The following PSMD12 variants were observed in gnomAD, a reference collection of about 807,000 sequenced individuals.
PSMD12 encodes the protein 26S proteasome non-ATPase regulatory subunit 12.
In PSMD12, 8 loss-of-function variants were observed where a neutral mutation model predicts 62.9. The observed-to-expected ratio is 0.13, with a 90% CI of 0.07 to 0.23. The LOEUF is 0.23. PSMD12 is among the 10% of genes least tolerant of loss of function. The pLI is 1.00. For missense variants in PSMD12, 424 were observed against 550.2 expected (o/e 0.77, Z 2.29); for synonymous variants, 173 against 187.4 (o/e 0.92, Z 0.63).
At chr17:67,348,757 G>T in intron 4 of PSMD12, 103 bp from the exon 5 acceptor site, 1 of 935,642 alleles carries the variant, frequency 1.1e-6, no homozygotes, top group Non-Finnish European at 1.6e-6. Flanking sequence ...TGACATTTTG[G>T]AAGGCTGAGG....
chr17:67,359,359 T>C (rs1054835040), intron 1 of PSMD12, among the ~76,000 whole-genome samples: 10 of 152,146 alleles, frequency 6.6e-5, no homozygotes, highest in African/African-American at 1.2e-4. Flanking sequence ...GGTCTCTAGA[T>C]AAAAAATTTT....
chr17:67,345,338 C>T (rs1360318845), intron 8 of PSMD12, among the ~76,000 whole-genome samples: 2 of 152,076 alleles, frequency 1.3e-5, no homozygotes, highest in East Asian at 1.9e-4. Context: ...CTATCAGTAA[C>T]CAATTAAGAA....
intron 1 of PSMD12, among the ~76,000 whole-genome samples, chr17:67,362,183 T>G (rs1174729871): frequency 3.3e-5 from 5 of 152,114 alleles, no homozygotes; most frequent in Non-Finnish European, 7.4e-5. Flanking sequence ...AAAGAGAGAA[T>G]GAGAAACCCT....
chr17:67,347,419 A>G lies in PSMD12; in HGVS notation c.577T>C (p.Cys193Arg). ...CGAATGTAATCCTTCACAGCTAGGC[A>G]GAGCCTCATTTGCTCCAAAATAAAT... ...VEFILEQMRL[C>R]LAVKDYIRTQ... The change falls in exon 6 of 11, where the codon TGC (cysteine) becomes CGC (arginine). Residue 193 changes from cysteine (C) to arginine (R), a missense_variant. Physicochemically the swap from Cys to Arg is radical, Grantham distance 180. Transcript: ENST00000356126. The G allele has an allele frequency of 6.2e-7, 1 of 1,613,968 alleles. No individual in the cohort carries two copies. Among genetic ancestry groups the G allele is most frequent in the Non-Finnish European group, 8.5e-7 (1 of 1,179,924 alleles).
chr17:67,356,430 C>A (rs182580976), intron 3 of PSMD12, among the ~76,000 whole-genome samples: 1 of 149,092 alleles, frequency 6.7e-6, no homozygotes, highest in Non-Finnish European at 1.5e-5. Flanking sequence ...TGGTAGCGGG[C>A]GCCTGTAGTC....
intron 1 of PSMD12, among the ~76,000 whole-genome samples, chr17:67,363,681 TACATTCC>T (rs1271173636): frequency 3.3e-5 from 5 of 152,334 alleles, no homozygotes; most frequent in Admixed American, 3.3e-4. Context: ...AACTGTTCCA[TACATTCC>T]AATGTAGAAA....
At chr17:67,346,427 T>C (rs1321844197) in intron 7 of PSMD12, among the ~76,000 whole-genome samples, 1 of 143,624 alleles carries the variant, frequency 7.0e-6, no homozygotes, top group East Asian at 2.0e-4. Flanking sequence ...TAGCTGGGCA[T>C]GGTGGCACAT....
chr17:67,363,708 A>G (rs144783575), intron 1 of PSMD12, among the ~76,000 whole-genome samples: 148 of 152,318 alleles, frequency 9.7e-4, no homozygotes, highest in African/African-American at 3.4e-3. Flanking sequence ...ATGCAATGTT[A>G]ATTTTTTTTT....
chr17:67,340,864 C>T lies in PSMD12; in HGVS notation c.1350G>A (p.Glu450=). The T allele has an allele frequency of 6.3e-7, 1 of 1,581,854 alleles. No individual in the cohort carries two copies. The highest frequency in any genetic ancestry group is 8.5e-7 in the Non-Finnish European group (1 of 1,169,808). Residue 450 remains glutamate, a synonymous_variant, in exon 11 of 11, where the codon GAG becomes GAA. Transcript: ENST00000356126. ...ACCCTTATTGTAGATTATGTATCAT[C>T]TCCTCTTTGGCTATGAGATGCGTAG... ...NKTTHLIAKE[E]MIHNLQ is the part of the protein sequence containing the mutation.
In PSMD12 at chr17:67,348,670, T is replaced by C; in HGVS notation, c.406-16A>G. 6.3e-7 allele frequency: 1 copy of C among 1,597,160 alleles called. No individual in the cohort carries two copies. Among genetic ancestry groups the C allele is most frequent in the Admixed American group, 1.7e-5 (1 of 58,652 alleles). Reference sequence around the variant, plus strand: ...CAACATAAATCTACAAATGAGAAATTTACACAATCAAAATTCCATGGAAAC... The same window carrying C: ...CAACATAAATCTACAAATGAGAAATCTACACAATCAAAATTCCATGGAAAC... On this transcript the variant is annotated splice_polypyrimidine_tract_variant and intron_variant, in intron 4 of 10. Transcript: ENST00000356126.
At position 67,366,402 on chromosome 17, in the gene PSMD12, C is replaced by G. The variant is rs1376999936; in HGVS notation, c.108+10G>C. The G allele has an allele frequency of 5.6e-6, 9 of 1,605,952 alleles. No homozygotes were observed. The highest frequency in any genetic ancestry group is 7.7e-6 in the Non-Finnish European group (9 of 1,174,888). On this transcript the variant is annotated intron_variant, in intron 1 of 10. Transcript: ENST00000356126. Reference sequence around the variant, plus strand: ...TGGCGCCCGCCAACAGCCAGCCGGCCTCTCCTCACCTTGGCTAGCTTCGCA... The same window carrying G: ...TGGCGCCCGCCAACAGCCAGCCGGCGTCTCCTCACCTTGGCTAGCTTCGCA...
chr17:67,366,492 C>G lies in PSMD12; in HGVS notation c.28G>C (p.Asp10His). MADGGSERA[D>H]GRIVKMEVDY... ...ACCTCCATCTTGACGATGCGCCCGT[C>G]AGCCCGCTCCGAGCCGCCGTCCGCC... The change falls in exon 1 of 11, where the codon GAC becomes CAC. Residue 10 changes from aspartate (D) to histidine (H), a missense_variant. Asp to His is a moderately conservative substitution (Grantham distance 81). Coordinates refer to ENST00000356126, the MANE Select transcript of PSMD12 (RefSeq NM_002816.5). 6.2e-7 allele frequency: 1 copy of G among 1,609,468 alleles called. No homozygotes were observed. Among genetic ancestry groups the G allele is most frequent in the Non-Finnish European group, 8.5e-7 (1 of 1,178,906 alleles).
intron 3 of PSMD12, among the ~76,000 whole-genome samples, chr17:67,353,859 A>C (rs1019284784): frequency 3.3e-5 from 5 of 152,128 alleles, no homozygotes; most frequent in African/African-American, 1.2e-4. Flanking sequence ...CTTCCCCAAT[A>C]AATCTAACTC....
At chr17:67,357,850 A>AAC (rs2042090116) in intron 1 of PSMD12, among the ~76,000 whole-genome samples, 1 of 152,204 alleles carries the variant, frequency 6.6e-6, no homozygotes, top group Admixed American at 6.5e-5. Flanking sequence ...ACAATCATGT[A>AAC]ACACCTAAGA....
chr17:67,358,378 G>C (rs998868733), intron 1 of PSMD12, among the ~76,000 whole-genome samples: 16 of 151,660 alleles, frequency 1.1e-4, no homozygotes, highest in African/African-American at 3.6e-4. Flanking sequence ...GACCAGGCTG[G>C]GCTACATGGC....
At chr17:67,361,409 C>T (rs1313178440) in intron 1 of PSMD12, 1 of 152,162 alleles carries the variant, frequency 6.6e-6, no homozygotes, top group Non-Finnish European at 1.5e-5. Context: ...TGGTGAAACC[C>T]CATCTCTACT....
rs570572475 is a variant in PSMD12, at chr17:67,340,660, T to C, written c.*183A>G. On this transcript the variant is annotated 3_prime_UTR_variant, in exon 11 of 11. Transcript: ENST00000356126. Reference sequence around the variant, plus strand: ...ACAGAAATCTGTATTTTTGCACCAATTGCAAATGCAAAGTTAACAATGAAC... The same window carrying C: ...ACAGAAATCTGTATTTTTGCACCAACTGCAAATGCAAAGTTAACAATGAAC... The C allele has an allele frequency of 1.6e-4, 74 of 465,016 alleles. 2 individuals carry two copies. Among genetic ancestry groups the C allele is most frequent in the East Asian group, 1.4e-3 (39 of 27,522 alleles). 28.8% of individuals were successfully genotyped at this position (465,016 alleles called of 1,614,324 possible).
At chr17:67,343,212 C>T (rs1392835921) in intron 9 of PSMD12, among the ~76,000 whole-genome samples, 2 of 152,116 alleles carry the variant, frequency 1.3e-5, no homozygotes, top group Non-Finnish European at 2.9e-5. Context: ...GATGGCAACA[C>T]CAACACATCA....
rs1335992065 is a variant in PSMD12 at position 67,338,532 on chromosome 17, C to T, written c.*2311G>A. On this transcript the variant is annotated 3_prime_UTR_variant, in exon 11 of 11. Coordinates refer to ENST00000356126, the MANE Select transcript of PSMD12 (RefSeq NM_002816.5). ...TTACAAATAGCACTGAATCATAATA[C>T]ACAAAGAGCCTAGTGTGTGTTAAAG... The T allele has an allele frequency of 6.6e-6, 1 of 152,156 alleles. No homozygotes were observed. Among genetic ancestry groups the T allele is most frequent in the Non-Finnish European group, 1.5e-5 (1 of 68,042 alleles). The allele number at this position is 152,156 out of a possible 1,614,324, so 9.4% of individuals were successfully genotyped here. A position where few individuals can be genotyped will look rare whatever the true frequency, so the allele number is the denominator to read the frequency against.
Sources: gnomAD v4.1 joint callset for allele counts (sites outside exome capture counted in the v4.1 genomes callset) on GRCh38, gnomAD v4.1.1 for gene constraint, MANE v1.5 for transcripts, NCBI Gene and HGNC (gene_info 2026-07-23, HGNC 2026-07-21) for gene names.